Variants in SYNPR observed in about 807,000 individuals in gnomAD.
SYNPR encodes the protein synaptoporin.
Under a neutral mutation model 32.9 loss-of-function variants are expected in SYNPR, and 23 were observed. That is an observed-to-expected ratio of 0.70 (90% CI 0.50 to 0.99). SYNPR has a LOEUF of 0.99. Ranked by LOEUF, SYNPR falls within the 50% of genes least tolerant of loss-of-function variation. The pLI is 0.00. For missense variants in SYNPR, 318 were observed against 349.3 expected (o/e 0.91, Z 0.71); for synonymous variants, 146 against 135.9 (o/e 1.07, Z -0.52).
intron 2 of SYNPR, among the ~76,000 whole-genome samples, chr3:63,414,759 C>T: frequency 6.6e-6 from 1 of 152,106 alleles, no homozygotes; most frequent in East Asian, 1.9e-4. Context: ...GCTTTCCAGC[C>T]TATATAGATC....
intron 3 of SYNPR, among the ~76,000 whole-genome samples, chr3:63,492,645 G>A (rs1701277315): frequency 6.6e-6 from 1 of 152,140 alleles, no homozygotes; most frequent in African/African-American, 2.4e-5. Context: ...ATAGGGAAGT[G>A]ACAAGCGGCA....
chr3:63,600,633 T>C (rs920990944), intron 4 of SYNPR, among the ~76,000 whole-genome samples: 1 of 152,208 alleles, frequency 6.6e-6, no homozygotes, highest in African/African-American at 2.4e-5. Flanking sequence ...CTCCATGCTG[T>C]TCTCATGTTA....
Position 63,384,418 on chromosome 3 carries a change from C to G in SYNPR, c.85-96414C>G, listed in dbSNP as rs574902181. On this transcript the variant is annotated intron_variant, in intron 2 of 5. Coordinates refer to ENST00000478300, the MANE Select transcript of SYNPR (RefSeq NM_001130003.2). ...ATTAAGAACAATTTGTCAGCTCTCT[C>G]CCTTTCCCAAAGTCTAGCTATTTAT... 7.9e-5 allele frequency among the ~76,000 whole-genome samples: 12 copies of G among 152,314 alleles called. No individual in the cohort carries two copies. The East Asian group carries it at 2.3e-3, about 29-fold the overall frequency.
intron 2 of SYNPR, among the ~76,000 whole-genome samples, chr3:63,374,048 A>G (rs977025137): frequency 3.3e-5 from 5 of 152,240 alleles, no homozygotes; most frequent in African/African-American, 1.2e-4. Flanking sequence ...ATTTGTTACC[A>G]CTGGACCTAC....
At chr3:63,594,900 C>CT (rs1559545880) in intron 4 of SYNPR, among the ~76,000 whole-genome samples, 1 of 152,128 alleles carries the variant, frequency 6.6e-6, no homozygotes, top group African/African-American at 2.4e-5. Context: ...GCAGCCTGGT[C>CT]TTCTGTCCCT....
intron 3 of SYNPR, among the ~76,000 whole-genome samples, chr3:63,484,345 G>C (rs1428693006): frequency 6.6e-6 from 1 of 152,138 alleles, no homozygotes; most frequent in South Asian, 2.1e-4. Flanking sequence ...ACTAGGAGGA[G>C]AGTAGTTCTA....
intron 2 of SYNPR, among the ~76,000 whole-genome samples, chr3:63,291,828 T>TTC (rs140571848): frequency 0.28 from 42,502 of 149,640 alleles, 7,019 homozygotes; most frequent in Non-Finnish European, 0.38. Context: ...GTTTCTTTCT[T>TTC]TCTCTCTCTC....
chr3:63,329,877 C>T (rs1295479302), intron 2 of SYNPR, among the ~76,000 whole-genome samples: 1 of 152,088 alleles, frequency 6.6e-6, no homozygotes, highest in Non-Finnish European at 1.5e-5. Flanking sequence ...CTTTGCTTGG[C>T]CTAGCAGCTG....
chr3:63,294,168 A>G (rs2086770615), intron 2 of SYNPR, among the ~76,000 whole-genome samples: 1 of 152,186 alleles, frequency 6.6e-6, no homozygotes, highest in Admixed American at 6.5e-5. Context: ...AATGTATATT[A>G]TTTTCAAAAC....
At chr3:63,581,076 T>C (rs1703081248) in intron 4 of SYNPR, among the ~76,000 whole-genome samples, 1 of 152,160 alleles carries the variant, frequency 6.6e-6, no homozygotes, top group Admixed American at 6.6e-5. Flanking sequence ...CTCTACACTC[T>C]ACTGCCTTTG....
At chr3:63,234,194 A>G (rs2086184544) in intron 1 of SYNPR, among the ~76,000 whole-genome samples, 1 of 152,152 alleles carries the variant, frequency 6.6e-6, no homozygotes, top group African/African-American at 2.4e-5. Flanking sequence ...GCAGCAGACA[A>G]AGAGAGAGAG....
At chr3:63,411,783 G>C (rs2088469340) in intron 2 of SYNPR, among the ~76,000 whole-genome samples, 1 of 152,122 alleles carries the variant, frequency 6.6e-6, no homozygotes, top group Admixed American at 6.6e-5. Context: ...TGGTACTGGG[G>C]AGTCAGGGAA....
intron 3 of SYNPR, among the ~76,000 whole-genome samples, chr3:63,504,304 A>G (rs1315243793): frequency 6.6e-6 from 1 of 152,168 alleles, no homozygotes; most frequent in Non-Finnish European, 1.5e-5. Flanking sequence ...AATCTCAACA[A>G]CTGTCTGAAG....
intron 2 of SYNPR, among the ~76,000 whole-genome samples, chr3:63,306,817 G>A (rs2086914720): frequency 6.6e-6 from 1 of 151,984 alleles, no homozygotes; most frequent in African/African-American, 2.4e-5. Context: ...TAGACTTCAG[G>A]AAGGCACATC....
chr3:63,286,652 C>G (rs9842653), intron 2 of SYNPR, among the ~76,000 whole-genome samples: 2,168 of 152,278 alleles, frequency 0.014, 40 homozygotes, highest in African/African-American at 0.049. Flanking sequence ...AGTATGTGCA[C>G]AGAACCACGG....
intron 2 of SYNPR, among the ~76,000 whole-genome samples, chr3:63,317,551 C>A (rs1376748504): frequency 2.6e-5 from 4 of 151,916 alleles, no homozygotes; most frequent in African/African-American, 7.2e-5. Flanking sequence ...AGAATGGCTA[C>A]CCCCTGCTCA....
At chr3:63,598,088 A>T (rs1372541266) in intron 4 of SYNPR, among the ~76,000 whole-genome samples, 1 of 152,252 alleles carries the variant, frequency 6.6e-6, no homozygotes, top group Non-Finnish European at 1.5e-5. Context: ...TGTCAGCAAC[A>T]GAAATAAATA....
chr3:63,575,498 A>G (rs1337540056), intron 4 of SYNPR, among the ~76,000 whole-genome samples: 2 of 152,200 alleles, frequency 1.3e-5, no homozygotes, highest in Non-Finnish European at 2.9e-5. Context: ...GTAAATAAAA[A>G]TAACTTTTCC....
At chr3:63,542,628 A>G (rs1272773849) in intron 3 of SYNPR, among the ~76,000 whole-genome samples, 1 of 152,136 alleles carries the variant, frequency 6.6e-6, no homozygotes, top group African/African-American at 2.4e-5. Context: ...TGAGTCAGGC[A>G]TGGACAATCA....
Sources: gnomAD v4.1 joint callset for allele counts (sites outside exome capture counted in the v4.1 genomes callset) on GRCh38, gnomAD v4.1.1 for gene constraint, MANE v1.5 for transcripts, NCBI Gene and HGNC (gene_info 2026-07-23, HGNC 2026-07-21) for gene names.